The following WDR49 variants were observed in gnomAD, a reference collection of about 807,000 sequenced individuals.
WDR49 encodes WD repeat domain 49.
A neutral mutation model predicts 119.5 loss-of-function variants in WDR49; 107 were observed. The observed-to-expected ratio is 0.90, with a 90% CI of 0.77 to 1.05. The LOEUF (loss-of-function observed/expected upper bound fraction) is 1.05. WDR49 is among the 50% of genes least tolerant of loss of function. The pLI, the probability that WDR49 is intolerant of heterozygous loss-of-function variation, is 0.00. For missense variants in WDR49, 1,240 were observed against 1,220.5 expected (o/e 1.02, Z -0.24); for synonymous variants, 425 against 418.8 (o/e 1.01, Z -0.18).
At chr3:167,564,372 G>A (rs896988382) in intron 8 of WDR49, among the ~76,000 whole-genome samples, 1 of 152,134 alleles carries the variant, frequency 6.6e-6, no homozygotes, top group Non-Finnish European at 1.5e-5. Context: ...TAGGGGAAAG[G>A]GCGTTCAAAG....
intron 3 of WDR49, among the ~76,000 whole-genome samples, chr3:167,624,024 C>T (rs983119702): frequency 1.3e-5 from 2 of 151,758 alleles, no homozygotes; most frequent in Admixed American, 6.6e-5. Context: ...CATATAAAAA[C>T]TCTCGAAACT....
At chr3:167,482,505 T>TAAA (rs35181099) in intron 18 of WDR49, among the ~76,000 whole-genome samples, 1 of 137,996 alleles carries the variant, frequency 7.2e-6, no homozygotes, top group African/African-American at 2.7e-5. Flanking sequence ...CCGTCTCTAC[T>TAAA]AAAAAAAAAA....
intron 2 of WDR49, chr3:167,633,320 A>G: frequency 2.6e-6 from 1 of 379,814 alleles, no homozygotes; most frequent in Non-Finnish European, 5.2e-6. Context: ...TCTTAAAAAG[A>G]AACAACTATT....
intron 2 of WDR49, among the ~76,000 whole-genome samples, chr3:167,627,894 A>G (rs967971626): frequency 6.6e-6 from 1 of 152,106 alleles, no homozygotes; most frequent in Admixed American, 6.6e-5. Context: ...GCAACCTTGC[A>G]AGTCTATCAG....
chr3:167,574,203 G>T (rs1052654330), intron 8 of WDR49, among the ~76,000 whole-genome samples: 1 of 152,090 alleles, frequency 6.6e-6, no homozygotes, highest in Non-Finnish European at 1.5e-5. Flanking sequence ...TTAAAGAGTT[G>T]AATCTTCCTG....
intron 7 of WDR49, among the ~76,000 whole-genome samples, chr3:167,598,552 C>T (rs1715607684): frequency 6.6e-6 from 1 of 152,172 alleles, no homozygotes; most frequent in Non-Finnish European, 1.5e-5. Context: ...CCCCACCCCA[C>T]TCTCTTTCTC....
chr3:167,558,888 T>C (rs1713102235), intron 9 of WDR49, among the ~76,000 whole-genome samples: 1 of 152,216 alleles, frequency 6.6e-6, no homozygotes, highest in South Asian at 2.1e-4. Context: ...TTTTACTATT[T>C]GCCTGAACCA....
intron 10 of WDR49, among the ~76,000 whole-genome samples, chr3:167,542,444 A>T (rs1384093867): frequency 6.6e-6 from 1 of 152,104 alleles, no homozygotes; most frequent in Admixed American, 6.6e-5. Context: ...TACCCTCTCA[A>T]ACTATAGTGG....
intron 3 of WDR49, among the ~76,000 whole-genome samples, chr3:167,622,194 A>G (rs1194850504): frequency 2.0e-5 from 3 of 152,080 alleles, no homozygotes; most frequent in African/African-American, 7.2e-5. Flanking sequence ...CAATTCAACT[A>G]TTATATATAT....
chr3:167,641,216 T>C (rs1396443410), intron 2 of WDR49, among the ~76,000 whole-genome samples: 1 of 151,882 alleles, frequency 6.6e-6, no homozygotes, highest in African/African-American at 2.4e-5. Flanking sequence ...CTCCCACCCA[T>C]GAGTTATGTG....
rs567986508 is a variant in WDR49 at position 167,582,591 on chromosome 3, T to A, written c.1276-6440A>T. 1.6e-4 allele frequency among the ~76,000 whole-genome samples: 25 copies of A among 152,286 alleles called. 1 individual carries two copies. In the East Asian group the frequency reaches 2.1e-3, roughly 13 times the overall value. ...ACTATGTGTCTGTTTATTCTTTCAT[T>A]GACCTTAAAAGAGGCAAAACATTGT... On this transcript the variant is annotated intron_variant, in intron 7 of 18. Transcript: ENST00000682715.
At chr3:167,510,192 G>C (rs1056241993) in intron 16 of WDR49, among the ~76,000 whole-genome samples, 32 of 152,264 alleles carry the variant, frequency 2.1e-4, no homozygotes, top group African/African-American at 7.5e-4. Flanking sequence ...AGACCAGCCT[G>C]GCCAACATGA....
At position 167,627,065 on chromosome 3, in the gene WDR49, G is replaced by A; in HGVS notation, c.393C>T (p.Asp131=). 1 of 1,300,718 alleles carries A rather than the reference G, an allele frequency of 7.7e-7. No individual in the cohort carries two copies. Among genetic ancestry groups the A allele is most frequent in the South Asian group, 2.7e-5 (1 of 37,032 alleles). 80.6% of individuals were successfully genotyped at this position (1,300,718 alleles called of 1,614,324 possible). A position where few individuals can be genotyped will look rare whatever the true frequency, so the allele number is the denominator to read the frequency against. Residue 131 remains aspartate (D), a synonymous_variant, in exon 3 of 19, where the codon GAC becomes GAT. Transcript: ENST00000682715. ...AKATVVPQWK[D]LEFLPVKHKD... is the part of the protein sequence containing the mutation. Reference sequence around the variant, plus strand: ...TGTGTTTTACTGGGAGGAATTCAAGGTCCTTCCACTGGGGCACCACAGTTG... The same window carrying A: ...TGTGTTTTACTGGGAGGAATTCAAGATCCTTCCACTGGGGCACCACAGTTG...
intron 16 of WDR49, among the ~76,000 whole-genome samples, chr3:167,514,396 C>T (rs1577209270): frequency 6.6e-6 from 1 of 151,932 alleles, no homozygotes; most frequent in African/African-American, 2.4e-5. Flanking sequence ...TAAGAAGTTC[C>T]TTGAAACTAA....
intron 2 of WDR49, among the ~76,000 whole-genome samples, chr3:167,652,033 A>G: frequency 6.6e-6 from 1 of 152,196 alleles, no homozygotes; most frequent in Non-Finnish European, 1.5e-5. Context: ...AATGTCCTCA[A>G]GCTGTCAAAA....
At chr3:167,605,149 T>C (rs1715995331) in intron 5 of WDR49, among the ~76,000 whole-genome samples, 1 of 151,778 alleles carries the variant, frequency 6.6e-6, no homozygotes, top group African/African-American at 2.4e-5. Context: ...TTTATACATT[T>C]CCAAACAATT....
intron 17 of WDR49, among the ~76,000 whole-genome samples, chr3:167,503,090 C>G (rs1751637090): frequency 6.6e-6 from 1 of 152,216 alleles, no homozygotes; most frequent in Non-Finnish European, 1.5e-5. Context: ...CGTGCAGCTC[C>G]AGCTCCAGCT....
intron 5 of WDR49, among the ~76,000 whole-genome samples, chr3:167,619,387 T>G (rs918361128): frequency 6.6e-6 from 1 of 152,158 alleles, no homozygotes; most frequent in Non-Finnish European, 1.5e-5. Flanking sequence ...GACCAAAAAC[T>G]GTCATCTTTT....
intron 5 of WDR49, among the ~76,000 whole-genome samples, chr3:167,617,515 G>A (rs1716657833): frequency 6.6e-6 from 1 of 152,192 alleles, no homozygotes; most frequent in Admixed American, 6.5e-5. Flanking sequence ...GACAGTCTGA[G>A]TGAGAGTCCA....
Sources: allele counts gnomAD v4.1 joint callset (sites outside exome capture counted in the v4.1 genomes callset), GRCh38; gene constraint gnomAD v4.1.1; transcripts MANE v1.5; gene names NCBI Gene and HGNC (gene_info 2026-07-23, HGNC 2026-07-21).